The following VTI1A variants were observed in gnomAD, a reference collection of about 807,000 sequenced individuals.
VTI1A encodes the protein vesicle transport through interaction with t-SNAREs 1A.
In VTI1A, 22 loss-of-function variants were observed where a neutral mutation model predicts 34.9. That is an observed-to-expected ratio of 0.63 (90% CI 0.45 to 0.90). The LOEUF (loss-of-function observed/expected upper bound fraction) is 0.90, where lower values mean the gene tolerates loss of function less well. VTI1A is among the 40% of genes least tolerant of loss of function. VTI1A has a pLI of 0.00. For missense variants in VTI1A, 268 were observed against 275.6 expected (o/e 0.97, Z 0.20); for synonymous variants, 87 against 97.3 (o/e 0.89, Z 0.62).
At chr10:112,532,380 G>T (rs936694451) in intron 4 of VTI1A, among the ~76,000 whole-genome samples, 1 of 152,296 alleles carries the variant, frequency 6.6e-6, no homozygotes, top group Middle Eastern at 3.4e-3. Flanking sequence ...ATTATCAGTC[G>T]TAGACCTGAA....
chr10:112,739,674 C>T (rs540878530), intron 7 of VTI1A, among the ~76,000 whole-genome samples: 13 of 152,308 alleles, frequency 8.5e-5, no homozygotes, highest in South Asian at 6.2e-4. Context: ...GTAAATTGTG[C>T]GTGCTGCATG....
intron 5 of VTI1A, among the ~76,000 whole-genome samples, chr10:112,616,408 C>T (rs1365901352): frequency 6.6e-6 from 1 of 152,136 alleles, no homozygotes; most frequent in East Asian, 1.9e-4. Flanking sequence ...TAAAATAGTC[C>T]TAGGTAAATC....
intron 7 of VTI1A, among the ~76,000 whole-genome samples, chr10:112,740,449 A>G (rs1850655024): frequency 6.6e-6 from 1 of 152,128 alleles, no homozygotes; most frequent in African/African-American, 2.4e-5. Context: ...CCCACAACAC[A>G]TGGCTAATTT....
chr10:112,524,124 T>A (rs745561437), intron 3 of VTI1A, among the ~76,000 whole-genome samples: 16 of 152,110 alleles, frequency 1.1e-4, no homozygotes, highest in African/African-American at 3.6e-4. Context: ...CAAAGGATTT[T>A]CCCCCTTTTT....
At chr10:112,718,223 G>A (rs1849676562) in intron 7 of VTI1A, among the ~76,000 whole-genome samples, 1 of 152,168 alleles carries the variant, frequency 6.6e-6, no homozygotes, top group Admixed American at 6.5e-5. Context: ...TAGAGACTCA[G>A]GAGTGAATGA....
chr10:112,723,494 G>A (rs772056297), intron 7 of VTI1A, among the ~76,000 whole-genome samples: 7 of 152,130 alleles, frequency 4.6e-5, no homozygotes, highest in Admixed American at 1.3e-4. Flanking sequence ...GTGGGGGCCC[G>A]GACTGAAGGG....
intron 7 of VTI1A, among the ~76,000 whole-genome samples, chr10:112,771,912 C>T (rs1851824831): frequency 6.6e-6 from 1 of 152,160 alleles, no homozygotes; most frequent in African/African-American, 2.4e-5. Context: ...AATAGTATTC[C>T]ATTGTACGGA....
intron 7 of VTI1A, among the ~76,000 whole-genome samples, chr10:112,713,409 A>G (rs926902561): frequency 1.2e-4 from 19 of 152,350 alleles, no homozygotes; most frequent in African/African-American, 4.3e-4. Flanking sequence ...TAACTGCTAT[A>G]TAAGCATTAT....
rs571322575 is a variant in VTI1A, at chr10:112,496,196, C to G, written c.265-30891C>G. 1.5e-3 allele frequency among the ~76,000 whole-genome samples: 180 copies of G among 122,588 alleles called. 26 individuals are homozygous for G. Among genetic ancestry groups the G allele is most frequent in the African/African-American group, 4.8e-3 (153 of 31,984 alleles). 80.4% of individuals were successfully genotyped at this position (122,588 alleles called of 152,430 possible). A position where few individuals can be genotyped will look rare whatever the true frequency, so the allele number is the denominator to read the frequency against. ...AGGCAAATGGGGAGACCCCCCCCCC[C>G]CCCCCGCCGTCTCTAAACAAAATAA... On this transcript the variant is annotated intron_variant, in intron 3 of 7. Coordinates refer to ENST00000393077, the MANE Select transcript of VTI1A (RefSeq NM_145206.4).
At chr10:112,630,397 A>G (rs779646978) in intron 5 of VTI1A, among the ~76,000 whole-genome samples, 1 of 152,194 alleles carries the variant, frequency 6.6e-6, no homozygotes, top group Non-Finnish European at 1.5e-5. Context: ...CCAGGAAAAT[A>G]TTACACTTGG....
rs1564938607 is a variant in VTI1A at position 112,818,401 on chromosome 10, GA to G, written c.*3026del. 3.0e-5 allele frequency: 7 copies of G among 230,198 alleles called. No individual in the cohort carries two copies. The highest frequency in any genetic ancestry group is 1.2e-4 in the East Asian group (2 of 16,344). 14.3% of individuals were successfully genotyped at this position (230,198 alleles called of 1,614,324 possible). A position where few individuals can be genotyped will look rare whatever the true frequency, so the allele number is the denominator to read the frequency against. ...TATCAACCCATAGAAGAAGGGAGGG[GA>G]AAAAAAAGAAAGAAAGGAAAAGCAA... On this transcript the variant is annotated 3_prime_UTR_variant, in exon 8 of 8. Coordinates refer to ENST00000393077, the MANE Select transcript of VTI1A (RefSeq NM_145206.4).
intron 3 of VTI1A, among the ~76,000 whole-genome samples, chr10:112,512,295 A>G: frequency 6.6e-6 from 1 of 152,064 alleles, no homozygotes; most frequent in African/African-American, 2.4e-5. Context: ...CATTTCTTTG[A>G]TAATTTGTTA....
intron 1 of VTI1A, among the ~76,000 whole-genome samples, chr10:112,458,068 G>A (rs1847600329): frequency 6.6e-6 from 1 of 152,148 alleles, no homozygotes; most frequent in Non-Finnish European, 1.5e-5. Flanking sequence ...CTGTACCCTT[G>A]CTTTCAAGAA....
chr10:112,795,784 C>A (rs1852653305), intron 7 of VTI1A, among the ~76,000 whole-genome samples: 1 of 151,940 alleles, frequency 6.6e-6, no homozygotes, highest in South Asian at 2.1e-4. Flanking sequence ...TATTATGTTT[C>A]TTTTATTCAA....
At chr10:112,752,418 G>A (rs919408027) in intron 7 of VTI1A, 3 of 985,284 alleles carry the variant, frequency 3.0e-6, no homozygotes, top group Non-Finnish European at 3.6e-6. Context: ...TTACCGGGGA[G>A]TCAGCTTCAC....
intron 3 of VTI1A, among the ~76,000 whole-genome samples, chr10:112,487,482 A>G (rs1338790096): frequency 1.3e-5 from 2 of 152,174 alleles, no homozygotes; most frequent in Non-Finnish European, 2.9e-5. Flanking sequence ...ATCAAATCCA[A>G]ATTTGGCATT....
chr10:112,546,737 T>C (rs1321215230), intron 5 of VTI1A, among the ~76,000 whole-genome samples: 3 of 152,222 alleles, frequency 2.0e-5, no homozygotes, highest in East Asian at 3.9e-4. Flanking sequence ...ATTAGGGAAA[T>C]GCAAAAATAG....
At chr10:112,489,999 G>T (rs181027566) in intron 3 of VTI1A, among the ~76,000 whole-genome samples, 1 of 152,218 alleles carries the variant, frequency 6.6e-6, no homozygotes, top group Admixed American at 6.5e-5. Flanking sequence ...AAAGATTTGG[G>T]CCATTGTCAT....
intron 3 of VTI1A, among the ~76,000 whole-genome samples, chr10:112,502,124 C>T (rs2134156871): frequency 6.7e-6 from 1 of 150,166 alleles, no homozygotes; most frequent in East Asian, 2.0e-4. Context: ...ACCTCCTGGA[C>T]TCAAGCAATC....
Sources: allele counts gnomAD v4.1 joint callset (sites outside exome capture counted in the v4.1 genomes callset), GRCh38; gene constraint gnomAD v4.1.1; transcripts MANE v1.5; gene names NCBI Gene and HGNC (gene_info 2026-07-23, HGNC 2026-07-21).